GUCY1A2: variants seen among roughly 807,000 people sequenced by gnomAD.
GUCY1A2 encodes the protein guanylate cyclase 1 soluble subunit alpha 2.
GUCY1A2 carries 27 observed loss-of-function variants against 63.5 expected under a neutral mutation model. The observed-to-expected ratio is 0.43, with a 90% CI of 0.31 to 0.59. The LOEUF (loss-of-function observed/expected upper bound fraction) is 0.59. Among genes scored for constraint, GUCY1A2 ranks in the 20% least tolerant of loss-of-function variants. The pLI is 0.11. For missense variants in GUCY1A2, 768 were observed against 913.3 expected, an observed-to-expected ratio of 0.84 and a Z score of 2.05; for synonymous variants, 364 against 343.5, an observed-to-expected ratio of 1.06 and a Z score of -0.66.
chr11:106,679,469 C>A lies in GUCY1A2; in HGVS notation c.*8080G>T. The A allele has an allele frequency of 5.1e-6, 1 of 196,218 alleles. No homozygotes were observed. The highest frequency in any genetic ancestry group is 1.1e-5 in the Non-Finnish European group (1 of 94,622). 12.2% of individuals were successfully genotyped at this position (196,218 alleles called of 1,614,324 possible). A position where few individuals can be genotyped will look rare whatever the true frequency, so the allele number is the denominator to read the frequency against. ...AGAATATGGCGTAGAGTACAGCCGC[C>A]AAAAGTTTAAAAATTTCAGGACACA... On this transcript the variant is annotated 3_prime_UTR_variant, in exon 8 of 8. Transcript: ENST00000526355.
At chr11:106,832,560 C>T (rs1447523029) in intron 4 of GUCY1A2, among the ~76,000 whole-genome samples, 2 of 152,010 alleles carry the variant, frequency 1.3e-5, no homozygotes, top group Non-Finnish European at 2.9e-5. Flanking sequence ...GGAGCATGTC[C>T]TTTGCCTACG....
chr11:106,703,493 G>T (rs1268915464), intron 7 of GUCY1A2, among the ~76,000 whole-genome samples: 1 of 151,664 alleles, frequency 6.6e-6, no homozygotes. Flanking sequence ...GATAGAAGTA[G>T]AATTAGAAAG....
chr11:106,924,260 AACATT>A (rs1260985189), intron 4 of GUCY1A2, among the ~76,000 whole-genome samples: 2 of 152,254 alleles, frequency 1.3e-5, no homozygotes, highest in African/African-American at 4.8e-5. Context: ...TCAAAGGAAG[AACATT>A]ACAAGCTCAC....
chr11:106,773,561 T>C (rs943650337), intron 6 of GUCY1A2, among the ~76,000 whole-genome samples: 5 of 152,174 alleles, frequency 3.3e-5, no homozygotes, highest in Admixed American at 3.3e-4. Context: ...TGCTGGGTTG[T>C]AGGACATGCA....
chr11:106,998,926 T>C (rs1565355438), intron 1 of GUCY1A2, among the ~76,000 whole-genome samples: 1 of 152,204 alleles, frequency 6.6e-6, no homozygotes, highest in African/African-American at 2.4e-5. Flanking sequence ...GAACGTTAAA[T>C]AATTTACCGT....
chr11:106,752,290 GAGAT>G (rs1863894288), intron 6 of GUCY1A2, among the ~76,000 whole-genome samples: 1 of 152,154 alleles, frequency 6.6e-6, no homozygotes. Flanking sequence ...ATATGGTAAA[GAGAT>G]AGCAATGTAC....
rs1860723031 is a variant in GUCY1A2 at position 106,939,525 on chromosome 11, G to A, written c.1141C>T (p.Arg381Ter). The A allele has an allele frequency of 2.5e-6, 4 of 1,613,066 alleles. No individual in the cohort carries two copies. Among genetic ancestry groups the A allele is most frequent in the South Asian group, 1.1e-5 (1 of 91,072 alleles). ...VNATFERVLL[R>*]LSTPFVIRTK... ...CTAATCACAAACGGGGTAGACAGTCGCAGCAGGACCCTTTCAAAGGTGGCA... is the reference window on the plus strand; with the variant it reads ...CTAATCACAAACGGGGTAGACAGTCACAGCAGGACCCTTTCAAAGGTGGCA... Residue 381 changes from arginine (R) to a stop codon, truncating the protein, a stop_gained, in exon 4 of 8, where the codon CGA becomes TGA. Transcript: ENST00000526355. LOFTEE classifies it high-confidence loss of function.
chr11:106,841,894 C>T (rs574438998), intron 4 of GUCY1A2, among the ~76,000 whole-genome samples: 12 of 151,794 alleles, frequency 7.9e-5, no homozygotes, highest in African/African-American at 2.9e-4. Context: ...ACAAATCCAA[C>T]TATTTATCAT....
intron 6 of GUCY1A2, among the ~76,000 whole-genome samples, chr11:106,754,930 G>C (rs1863947371): frequency 6.6e-6 from 1 of 152,120 alleles, no homozygotes; most frequent in Non-Finnish European, 1.5e-5. Context: ...AGAAGGAATG[G>C]TACCAGCTCC....
intron 6 of GUCY1A2, among the ~76,000 whole-genome samples, chr11:106,768,749 G>C (rs1320508698): frequency 2.6e-5 from 4 of 152,138 alleles, no homozygotes; most frequent in Non-Finnish European, 5.9e-5. Flanking sequence ...GAAGTGAAAA[G>C]TAAACTTGGT....
chr11:106,875,479 C>T (rs1472180990), intron 4 of GUCY1A2, among the ~76,000 whole-genome samples: 1 of 152,092 alleles, frequency 6.6e-6, no homozygotes, highest in Admixed American at 6.6e-5. Flanking sequence ...TGGTTGGATC[C>T]AGGGCTCAAA....
intron 1 of GUCY1A2, among the ~76,000 whole-genome samples, chr11:106,988,014 G>C (rs555377944): frequency 6.6e-6 from 1 of 152,290 alleles, no homozygotes; most frequent in South Asian, 2.1e-4. Flanking sequence ...TCTTTCAGCA[G>C]CTGCTTTTCA....
intron 3 of GUCY1A2, among the ~76,000 whole-genome samples, chr11:106,971,309 T>C (rs1290690938): frequency 6.6e-6 from 1 of 151,832 alleles, no homozygotes. Context: ...ATTACAAATA[T>C]ATGAAAAAAA....
chr11:106,789,153 T>G (rs1782837679), intron 5 of GUCY1A2, among the ~76,000 whole-genome samples: 1 of 152,210 alleles, frequency 6.6e-6, no homozygotes, highest in South Asian at 2.1e-4. Context: ...GATCTTTCAC[T>G]TATTTGGTCA....
At chr11:106,878,592 C>T (rs1859782708) in intron 4 of GUCY1A2, among the ~76,000 whole-genome samples, 1 of 151,722 alleles carries the variant, frequency 6.6e-6, no homozygotes, top group African/African-American at 2.4e-5. Flanking sequence ...CACATGGAAA[C>T]ATAGATGGGA....
chr11:107,001,036 C>T (rs1303903499), intron 1 of GUCY1A2, among the ~76,000 whole-genome samples: 1 of 152,138 alleles, frequency 6.6e-6, no homozygotes, highest in Non-Finnish European at 1.5e-5. Flanking sequence ...AGTACAATGA[C>T]AGGTTTTTCT....
chr11:106,713,663 C>T (rs1378684036), intron 6 of GUCY1A2, among the ~76,000 whole-genome samples: 2 of 151,754 alleles, frequency 1.3e-5, no homozygotes, highest in African/African-American at 4.8e-5. Context: ...CCCGCCACCA[C>T]GCCTAGCTAA....
intron 1 of GUCY1A2, among the ~76,000 whole-genome samples, chr11:107,003,594 A>G (rs1436175155): frequency 6.6e-6 from 1 of 152,214 alleles, no homozygotes; most frequent in Non-Finnish European, 1.5e-5. Context: ...ATCAACTGGC[A>G]GGCACTTAAC....
At chr11:106,967,446 C>T (rs1861140432) in intron 3 of GUCY1A2, among the ~76,000 whole-genome samples, 1 of 152,036 alleles carries the variant, frequency 6.6e-6, no homozygotes, top group Admixed American at 6.6e-5. Flanking sequence ...ATGCATGACC[C>T]ACTATTTCTG....
Sources: gnomAD v4.1 joint callset for allele counts (sites outside exome capture counted in the v4.1 genomes callset) on GRCh38, gnomAD v4.1.1 for gene constraint, MANE v1.5 for transcripts, NCBI Gene and HGNC (gene_info 2026-07-23, HGNC 2026-07-21) for gene names.